COPS4: variants seen among roughly 807,000 people sequenced by gnomAD.
COPS4 encodes COP9 signalosome complex subunit 4.
COPS4 carries 8 observed loss-of-function variants against 55.1 expected under a neutral mutation model. That is an observed-to-expected ratio of 0.15 (90% CI 0.09 to 0.26). COPS4 has a LOEUF of 0.26. Among genes scored for constraint, COPS4 ranks in the 10% least tolerant of loss-of-function variants. The pLI is 1.00. For synonymous variants in COPS4, 185 were observed against 165.7 expected, an observed-to-expected ratio of 1.12 and a Z score of -0.90; for missense variants, 248 against 484.0, an observed-to-expected ratio of 0.51 and a Z score of 4.58.
intron 9 of COPS4, among the ~76,000 whole-genome samples, chr4:83,073,817 C>A (rs886249766): frequency 1.3e-5 from 2 of 152,020 alleles, no homozygotes; most frequent in African/African-American, 2.4e-5. Context: ...ATTAGCTGGG[C>A]GTAGTGGTGC....
chr4:83,059,697 T>G (rs115717070), intron 6 of COPS4, among the ~76,000 whole-genome samples: 2,147 of 152,156 alleles, frequency 0.014, 44 homozygotes, highest in African/African-American at 0.046. Context: ...TTGTTTTTTT[T>G]TTTGTTTGTT....
chr4:83,048,707 T>C (rs1322914123), intron 2 of COPS4, among the ~76,000 whole-genome samples: 4 of 152,180 alleles, frequency 2.6e-5, no homozygotes, highest in African/African-American at 9.7e-5. Context: ...GGTGCTGTGA[T>C]CTCGGCTCAC....
chr4:83,047,473 G>A (rs2126129050), intron 2 of COPS4, among the ~76,000 whole-genome samples: 1 of 151,932 alleles, frequency 6.6e-6, no homozygotes, highest in East Asian at 1.9e-4. Context: ...AAGACTGCTT[G>A]AGCCCCGGTG....
At position 83,057,092 on chromosome 4, in the gene COPS4, T is replaced by A; in HGVS notation, c.564+13T>A. ...GATACATTATAAGGTAACAGATGAG[T>A]TGATTTGGAATTACTTTTGTATTGG... On this transcript the variant is annotated intron_variant, in intron 5 of 9. Transcript: ENST00000264389. 3 of 1,605,222 alleles carry A rather than the reference T, an allele frequency of 1.9e-6. No homozygotes were observed. Among genetic ancestry groups the A allele is most frequent in the Non-Finnish European group, 2.6e-6 (3 of 1,173,748 alleles).
chr4:83,075,227 A>G (rs1731543822), intron 9 of COPS4, 70 bp from the exon 10 acceptor site: 1 of 1,433,112 alleles, frequency 7.0e-7, no homozygotes, highest in Middle Eastern at 1.8e-4. Flanking sequence ...AAAAGTATAT[A>G]TCTTTTAACT....
At position 83,067,202 on chromosome 4, in the gene COPS4, G is replaced by A. The variant is rs192627424; in HGVS notation, c.1002+649G>A. On this transcript the variant is annotated intron_variant, in intron 8 of 9. Coordinates refer to ENST00000264389, the MANE Select transcript of COPS4 (RefSeq NM_016129.3). ...CCTGTCTCAGACTCCCAAGTAGCTG[G>A]TACTACAAGTACACATCACCACGCC... Among the ~76,000 whole-genome samples, 132 of 151,790 alleles carry A rather than the reference G, an allele frequency of 8.7e-4. No homozygotes were observed. In the Middle Eastern group the frequency reaches 0.01, roughly 12 times the overall value.
chr4:83,051,440 A>AT (rs1252605998), intron 4 of COPS4, among the ~76,000 whole-genome samples: 2 of 152,152 alleles, frequency 1.3e-5, no homozygotes, highest in East Asian at 3.8e-4. Flanking sequence ...AAAAAGGCTT[A>AT]TACAGTACCA....
At chr4:83,036,001 T>G (rs890564617) in intron 1 of COPS4, 2 of 152,410 alleles carry the variant, frequency 1.3e-5, no homozygotes, top group African/African-American at 2.4e-5. Context: ...GTGCCTGTTC[T>G]GCAAGCAGTT....
At chr4:83,059,138 T>A (rs1731095378) in intron 6 of COPS4, among the ~76,000 whole-genome samples, 1 of 152,180 alleles carries the variant, frequency 6.6e-6, no homozygotes, top group Non-Finnish European at 1.5e-5. Flanking sequence ...TTGTTTGTCC[T>A]TTCTTGGTGG....
At chr4:83,056,013 G>C (rs536039787) in intron 4 of COPS4, among the ~76,000 whole-genome samples, 2 of 147,592 alleles carry the variant, frequency 1.4e-5, no homozygotes, top group South Asian at 2.1e-4. Flanking sequence ...ACTGCAACCT[G>C]TGCCTCCTGG....
intron 6 of COPS4, among the ~76,000 whole-genome samples, chr4:83,060,184 T>C (rs2126132440): frequency 8.2e-6 from 1 of 121,526 alleles, no homozygotes; most frequent in South Asian, 3.3e-4. Flanking sequence ...GATGGTATAG[T>C]TCTTTTTTTT....
At chr4:83,054,448 A>G (rs2126130893) in intron 4 of COPS4, among the ~76,000 whole-genome samples, 1 of 152,346 alleles carries the variant, frequency 6.6e-6, no homozygotes, top group East Asian at 1.9e-4. Flanking sequence ...AATATTTGCA[A>G]TAGTGAGGCA....
chr4:83,058,021 C>G (rs1578714426), intron 6 of COPS4, among the ~76,000 whole-genome samples: 1 of 144,972 alleles, frequency 6.9e-6, no homozygotes, highest in Non-Finnish European at 1.5e-5. Context: ...CAGAGTGAAA[C>G]AAAAATTAAA....
chr4:83,049,445 C>T (rs1483955269), intron 3 of COPS4, 128 bp downstream of exon 3: 1 of 743,944 alleles, frequency 1.3e-6, no homozygotes, highest in African/African-American at 1.9e-5. Context: ...TGCCAAACGA[C>T]ATTTTATGAT....
intron 9 of COPS4, among the ~76,000 whole-genome samples, chr4:83,072,834 G>A (rs1731469973): frequency 6.6e-6 from 1 of 152,002 alleles, no homozygotes; most frequent in African/African-American, 2.4e-5. Flanking sequence ...ATAAATTTTA[G>A]TATTGGTAAA....
At chr4:83,058,883 C>A (rs1464402285) in intron 6 of COPS4, among the ~76,000 whole-genome samples, 1 of 152,176 alleles carries the variant, frequency 6.6e-6, no homozygotes, top group Non-Finnish European at 1.5e-5. Flanking sequence ...GATAGACGTT[C>A]CACATTGCCC....
chr4:83,052,989 T>A (rs1730922684), intron 4 of COPS4, among the ~76,000 whole-genome samples: 1 of 152,138 alleles, frequency 6.6e-6, no homozygotes, highest in Non-Finnish European at 1.5e-5. Flanking sequence ...TGAGAAGTAA[T>A]CCCCTTAGGA....
intron 4 of COPS4, among the ~76,000 whole-genome samples, chr4:83,053,453 G>C (rs1227256705): frequency 6.6e-6 from 1 of 151,970 alleles, no homozygotes; most frequent in African/African-American, 2.4e-5. Context: ...GAAAGGCAGT[G>C]ACATGTAAGG....
At chr4:83,073,081 A>G (rs1182620878) in intron 9 of COPS4, 5 of 430,816 alleles carry the variant, frequency 1.2e-5, no homozygotes, top group East Asian at 6.6e-5. Context: ...AAACAATTCA[A>G]TGGCCTGTAG....
Sources: gnomAD v4.1 joint callset for allele counts (sites outside exome capture counted in the v4.1 genomes callset) on GRCh38, gnomAD v4.1.1 for gene constraint, MANE v1.5 for transcripts, NCBI Gene and HGNC (gene_info 2026-07-23, HGNC 2026-07-21) for gene names.